The following MYO1D variants were observed in gnomAD, a reference collection of about 807,000 sequenced individuals.
MYO1D encodes unconventional myosin-Id.
A neutral mutation model predicts 122.0 loss-of-function variants in MYO1D; 83 were observed. That is an observed-to-expected ratio of 0.68 (90% CI 0.57 to 0.82). The LOEUF (loss-of-function observed/expected upper bound fraction) is 0.82. MYO1D is among the 40% of genes least tolerant of loss of function. The probability of loss-of-function intolerance (pLI) is 0.00; values close to 1 mark genes in which losing one functional copy is unlikely to be tolerated. For missense variants in MYO1D, 1,157 were observed against 1,269.5 expected (o/e 0.91, Z 1.35); for synonymous variants, 464 against 446.9 (o/e 1.04, Z -0.48).
intron 6 of MYO1D, among the ~76,000 whole-genome samples, chr17:32,770,737 A>G (rs1320526366): frequency 6.6e-6 from 1 of 152,206 alleles, no homozygotes; most frequent in Non-Finnish European, 1.5e-5. Context: ...GGAGAATCAA[A>G]GTGCATTTTA....
chr17:32,609,307 C>A (rs1208850997), intron 20 of MYO1D, among the ~76,000 whole-genome samples: 4 of 152,194 alleles, frequency 2.6e-5, no homozygotes, highest in African/African-American at 9.7e-5. Context: ...CAGGTGCTAT[C>A]AGCCAGGCGG....
At chr17:32,683,603 C>A (rs888171820) in intron 16 of MYO1D, among the ~76,000 whole-genome samples, 3 of 151,160 alleles carry the variant, frequency 2.0e-5, no homozygotes, top group South Asian at 4.2e-4. Flanking sequence ...GGCAGTCTGC[C>A]GGTTCTCAGA....
At position 32,677,479 on chromosome 17, in the gene MYO1D, A is replaced by T. The variant is rs530754058; in HGVS notation, c.2122-18141T>A. Among the ~76,000 whole-genome samples, 73 of 152,034 alleles carry T rather than the reference A, an allele frequency of 4.8e-4. 1 individual carries two copies. The highest frequency in any genetic ancestry group is 1.5e-3 in the African/African-American group (64 of 41,448). ...TGTGAATCTAGGTCAGCACCTGGTC[A>T]GGCAATAAGAAGGGTTAATATTTGA... On this transcript the variant is annotated intron_variant, in intron 16 of 21. Transcript: ENST00000318217.
intron 16 of MYO1D, among the ~76,000 whole-genome samples, chr17:32,708,969 G>T (rs1162135699): frequency 6.6e-6 from 1 of 152,230 alleles, no homozygotes. Context: ...AAAGGAAGAA[G>T]CCTAGTGGCT....
At chr17:32,613,495 G>A (rs1490750974) in intron 20 of MYO1D, among the ~76,000 whole-genome samples, 1 of 152,024 alleles carries the variant, frequency 6.6e-6, no homozygotes, top group Non-Finnish European at 1.5e-5. Flanking sequence ...CTCAATATAG[G>A]CCAGGTGCAG....
intron 21 of MYO1D, among the ~76,000 whole-genome samples, chr17:32,504,227 C>G (rs1015308): frequency 6.6e-6 from 1 of 152,154 alleles, no homozygotes; most frequent in Non-Finnish European, 1.5e-5. Context: ...GGCCCGGGGG[C>G]GTGATCCACA....
intron 21 of MYO1D, among the ~76,000 whole-genome samples, chr17:32,547,927 G>A (rs973441126): frequency 1.4e-4 from 21 of 149,664 alleles, no homozygotes; most frequent in African/African-American, 5.0e-4. Flanking sequence ...TCCAGCCTGG[G>A]TGAAGGAGCA....
At chr17:32,838,173 A>C (rs1467429333) in intron 1 of MYO1D, among the ~76,000 whole-genome samples, 4 of 152,172 alleles carry the variant, frequency 2.6e-5, no homozygotes, top group Non-Finnish European at 4.4e-5. Flanking sequence ...AATTAAAAAA[A>C]TTAACTCTTT....
chr17:32,537,560 T>C (rs1262788465), intron 21 of MYO1D, among the ~76,000 whole-genome samples: 1 of 152,242 alleles, frequency 6.6e-6, no homozygotes, highest in Non-Finnish European at 1.5e-5. Context: ...GCCAGTATCA[T>C]AAATGTTTAG....
At chr17:32,858,679 G>GC (rs2091046406) in intron 1 of MYO1D, among the ~76,000 whole-genome samples, 1 of 152,130 alleles carries the variant, frequency 6.6e-6, no homozygotes, top group Non-Finnish European at 1.5e-5. Flanking sequence ...CATTAAGGTA[G>GC]CATCTGTCAG....
chr17:32,857,389 T>A (rs2091035629), intron 1 of MYO1D, among the ~76,000 whole-genome samples: 1 of 152,012 alleles, frequency 6.6e-6, no homozygotes, highest in Admixed American at 6.6e-5. Context: ...ATAGAGACCA[T>A]CCTGGCTAAC....
chr17:32,549,959 C>A (rs1328907554), intron 21 of MYO1D, among the ~76,000 whole-genome samples: 6 of 152,090 alleles, frequency 3.9e-5, no homozygotes, highest in Non-Finnish European at 8.8e-5. Flanking sequence ...CTATAAAGTT[C>A]TATGGAATGT....
intron 21 of MYO1D, among the ~76,000 whole-genome samples, chr17:32,574,471 A>G (rs2087259974): frequency 6.6e-6 from 1 of 152,160 alleles, no homozygotes; most frequent in African/African-American, 2.4e-5. Flanking sequence ...TCTCCAAATC[A>G]GGCTAATTGT....
chr17:32,572,316 A>G (rs225218), intron 21 of MYO1D, among the ~76,000 whole-genome samples: 63,544 of 151,740 alleles, frequency 0.42, 15,768 homozygotes, highest in Non-Finnish European at 0.53. Context: ...TGATCTCTGG[A>G]TTTTACCTCC....
intron 15 of MYO1D, 119 bp from the exon 16 acceptor site, chr17:32,712,314 G>C (rs1318639654): frequency 2.3e-6 from 2 of 866,246 alleles, no homozygotes; most frequent in African/African-American, 1.7e-5. Context: ...ACTATCAATA[G>C]AATTTCATTA....
intron 16 of MYO1D, among the ~76,000 whole-genome samples, chr17:32,664,618 C>T (rs368138243): frequency 1.5e-4 from 23 of 152,098 alleles, no homozygotes; most frequent in African/African-American, 5.1e-4. Context: ...CTGGGACCTG[C>T]GAGGTGAAGT....
chr17:32,526,768 T>C (rs1201220806), intron 21 of MYO1D, among the ~76,000 whole-genome samples: 1 of 152,216 alleles, frequency 6.6e-6, no homozygotes, highest in Non-Finnish European at 1.5e-5. Context: ...TTCTCCCGCT[T>C]CAGCTTCCCA....
At chr17:32,573,208 T>TA (rs1272123129) in intron 21 of MYO1D, among the ~76,000 whole-genome samples, 1 of 152,246 alleles carries the variant, frequency 6.6e-6, no homozygotes, top group Non-Finnish European at 1.5e-5. Context: ...ATTCACTATT[T>TA]AAATAATGTC....
intron 21 of MYO1D, among the ~76,000 whole-genome samples, chr17:32,552,973 AC>A (rs2087031782): frequency 6.6e-6 from 1 of 151,804 alleles, no homozygotes; most frequent in Non-Finnish European, 1.5e-5. Flanking sequence ...ACAGTGACTC[AC>A]GCCCATAATC....
Sources: gnomAD v4.1 joint callset for allele counts (sites outside exome capture counted in the v4.1 genomes callset) on GRCh38, gnomAD v4.1.1 for gene constraint, MANE v1.5 for transcripts, NCBI Gene and HGNC (gene_info 2026-07-23, HGNC 2026-07-21) for gene names.